The following CD200R1L variants were observed in gnomAD, a reference collection of about 807,000 sequenced individuals.
CD200R1L encodes the protein cell surface glycoprotein CD200 receptor 2.
Under a neutral mutation model 24.8 loss-of-function variants are expected in CD200R1L, and 14 were observed. The observed-to-expected ratio is 0.56, with a 90% CI of 0.37 to 0.88. CD200R1L has a LOEUF of 0.88. Ranked by LOEUF, CD200R1L falls within the 40% of genes least tolerant of loss-of-function variation. The pLI is 0.00. For missense variants in CD200R1L, 299 were observed against 297.8 expected (o/e 1.00, Z -0.03); for synonymous variants, 111 against 109.2 (o/e 1.02, Z -0.11).
intron 2 of CD200R1L, among the ~76,000 whole-genome samples, chr3:112,840,808 A>G (rs1287527723): frequency 6.6e-6 from 1 of 152,252 alleles, no homozygotes; most frequent in Non-Finnish European, 1.5e-5. Context: ...CTGGGTGTTA[A>G]TACATGAACA....
At chr3:112,818,358 T>C (rs1052154204) in intron 7 of CD200R1L, among the ~76,000 whole-genome samples, 2 of 152,164 alleles carry the variant, frequency 1.3e-5, no homozygotes, top group African/African-American at 2.4e-5. Context: ...AATTGAGACA[T>C]TAGAACTCTA....
chr3:112,822,909 G>A (rs755342341), intron 6 of CD200R1L, among the ~76,000 whole-genome samples: 3 of 152,116 alleles, frequency 2.0e-5, no homozygotes, highest in Non-Finnish European at 2.9e-5. Flanking sequence ...CAGGGAAGAC[G>A]TATTCCCTCT....
chr3:112,822,732 G>T (rs577743415), intron 6 of CD200R1L, among the ~76,000 whole-genome samples: 2 of 152,160 alleles, frequency 1.3e-5, no homozygotes, highest in Non-Finnish European at 2.9e-5. Flanking sequence ...TAAGCTGTTG[G>T]AATTTTAAAA....
chr3:112,842,267 C>A (rs1939099824), intron 2 of CD200R1L, among the ~76,000 whole-genome samples: 1 of 152,198 alleles, frequency 6.6e-6, no homozygotes, highest in African/African-American at 2.4e-5. Flanking sequence ...AATGGAGGGA[C>A]CAGCTGGAGC....
At chr3:112,834,759 TGTGA>T (rs1938892275) in intron 3 of CD200R1L, among the ~76,000 whole-genome samples, 1 of 152,332 alleles carries the variant, frequency 6.6e-6, no homozygotes, top group Admixed American at 6.5e-5. Context: ...ATGAGGGATG[TGTGA>T]GTGAGCATGG....
chr3:112,845,205 A>G (rs961908555), intron 2 of CD200R1L, among the ~76,000 whole-genome samples: 1 of 152,190 alleles, frequency 6.6e-6, no homozygotes, highest in Admixed American at 6.5e-5. Flanking sequence ...CACAGGTGAC[A>G]TTACAATTGA....
chr3:112,840,592 C>G (rs1211739582), intron 2 of CD200R1L, among the ~76,000 whole-genome samples: 1 of 152,178 alleles, frequency 6.6e-6, no homozygotes, highest in African/African-American at 2.4e-5. Flanking sequence ...TTAGTGAGGA[C>G]ACAGACCCAA....
chr3:112,827,527 T>C lies in CD200R1L; in HGVS notation c.207A>G (p.Glu69=). ...AYKKETNETK[E]TNCTVERITW... is the part of the protein sequence containing the mutation. Reference sequence around the variant, plus strand: ...TTATTCTCTCAACAGTACAGTTGGTTTCCTTGGTCTCATTTGTTTCTTTCT... The same window carrying C: ...TTATTCTCTCAACAGTACAGTTGGTCTCCTTGGTCTCATTTGTTTCTTTCT... Residue 69 remains glutamate (E), a synonymous_variant, in exon 5 of 8, where the codon GAA becomes GAG. Coordinates refer to ENST00000488794, the MANE Select transcript of CD200R1L (RefSeq NM_001199215.3). The C allele has an allele frequency of 6.2e-7, 1 of 1,614,230 alleles. No homozygotes were observed. Among genetic ancestry groups the C allele is most frequent in the Non-Finnish European group, 8.5e-7 (1 of 1,180,038 alleles).
In CD200R1L at chr3:112,819,778, T is replaced by A; in HGVS notation, c.734A>T (p.His245Leu). The A allele has an allele frequency of 6.2e-7, 1 of 1,600,794 alleles. No homozygotes were observed. The highest frequency in any genetic ancestry group is 8.5e-7 in the Non-Finnish European group (1 of 1,176,374). The change falls in exon 7 of 8, where the codon CAT (histidine) becomes CTT (leucine). Residue 245 changes from histidine to leucine, a missense_variant. Transcript: ENST00000488794. ...TTCAGTCTTCAGTTCCTACCTGACA[T>A]GATTTATCCTCTGGAAGAAAACAAA... is the stretch of plus-strand genomic sequence containing the variant. ...TGFVFFQRINHVRKVL is the reference protein window; with the variant it reads ...TGFVFFQRINLVRKVL
At chr3:112,843,574 G>T (rs373355181) in intron 2 of CD200R1L, among the ~76,000 whole-genome samples, 2 of 152,108 alleles carry the variant, frequency 1.3e-5, no homozygotes, top group Non-Finnish European at 2.9e-5. Context: ...TTCTAAATGC[G>T]GAAATTTAAG....
intron 7 of CD200R1L, among the ~76,000 whole-genome samples, chr3:112,819,066 A>C (rs899558879): frequency 1.2e-4 from 18 of 152,354 alleles, no homozygotes; most frequent in African/African-American, 4.3e-4. Flanking sequence ...ACATGGCAGC[A>C]GACTGGAGAG....
chr3:112,815,991 A>T lies in CD200R1L; in HGVS notation c.741-16T>A, dbSNP rs1027101045. The T allele has an allele frequency of 2.6e-6, 2 of 780,054 alleles. No homozygotes were observed. Among genetic ancestry groups the T allele is most frequent in the Non-Finnish European group, 4.8e-6 (2 of 417,668 alleles). 48.3% of individuals were successfully genotyped at this position (780,054 alleles called of 1,614,324 possible). A position where few individuals can be genotyped will look rare whatever the true frequency, so the allele number is the denominator to read the frequency against. On this transcript the variant is annotated splice_polypyrimidine_tract_variant and intron_variant, in intron 7 of 7. Coordinates refer to ENST00000488794, the MANE Select transcript of CD200R1L (RefSeq NM_001199215.3). ...AAGAACTTTTCTGAAAGTATTACAC[A>T]AGATTTGTATTTATATCTCATTTTC...
chr3:112,835,973 C>T (rs376967631), intron 3 of CD200R1L, among the ~76,000 whole-genome samples: 2 of 152,364 alleles, frequency 1.3e-5, no homozygotes, highest in African/African-American at 2.4e-5. Context: ...TCCCCACAGC[C>T]GCAGTAGGCA....
chr3:112,835,697 G>A (rs1938924523), intron 3 of CD200R1L, among the ~76,000 whole-genome samples: 1 of 152,194 alleles, frequency 6.6e-6, no homozygotes, highest in Admixed American at 6.5e-5. Flanking sequence ...ATGCCGAGGG[G>A]CACCTGCAGG....
At chr3:112,835,814 C>T (rs1266034104) in intron 3 of CD200R1L, among the ~76,000 whole-genome samples, 1 of 152,252 alleles carries the variant, frequency 6.6e-6, no homozygotes, top group African/African-American at 2.4e-5. Context: ...CTGTTCCCAG[C>T]TCCCAAGAGC....
At chr3:112,831,072 G>C (rs1327830535) in intron 3 of CD200R1L, among the ~76,000 whole-genome samples, 1 of 152,178 alleles carries the variant, frequency 6.6e-6, no homozygotes, top group Non-Finnish European at 1.5e-5. Flanking sequence ...TCATGAATGA[G>C]AAATCACTAT....
In CD200R1L at chr3:112,845,794, C is replaced by T; in HGVS notation, c.-202G>A. ...AATCCACTTTAAATCAATCAACAGA[C>T]TTGGTGAATCTGTTTCTCTTGGTCA... On this transcript the variant is annotated 5_prime_UTR_variant, in exon 2 of 8. Coordinates refer to ENST00000488794, the MANE Select transcript of CD200R1L (RefSeq NM_001199215.3). 1.6e-6 allele frequency: 2 copies of T among 1,243,572 alleles called. No individual in the cohort carries two copies. The highest frequency in any genetic ancestry group is 2.3e-6 in the Non-Finnish European group (2 of 851,240). 77.0% of individuals were successfully genotyped at this position (1,243,572 alleles called of 1,614,324 possible).
At chr3:112,844,417 G>A (rs1220892721) in intron 2 of CD200R1L, among the ~76,000 whole-genome samples, 2 of 151,958 alleles carry the variant, frequency 1.3e-5, no homozygotes, top group Non-Finnish European at 2.9e-5. Context: ...ACAATTACAT[G>A]GAAATTAAAC....
At chr3:112,826,757 A>G (rs1278239888) in intron 6 of CD200R1L, among the ~76,000 whole-genome samples, 3 of 152,204 alleles carry the variant, frequency 2.0e-5, no homozygotes, top group South Asian at 2.1e-4. Context: ...TTGATATTTC[A>G]TATCAAGAAT....
Sources: gnomAD v4.1 joint callset for allele counts (sites outside exome capture counted in the v4.1 genomes callset) on GRCh38, gnomAD v4.1.1 for gene constraint, MANE v1.5 for transcripts, NCBI Gene and HGNC (gene_info 2026-07-23, HGNC 2026-07-21) for gene names.